The following DCC variants were observed in gnomAD, a reference collection of about 807,000 sequenced individuals.
DCC encodes the protein DCC netrin 1 receptor, also known as netrin receptor DCC.
A neutral mutation model predicts 172.5 loss-of-function variants in DCC; 58 were observed. That is an observed-to-expected ratio of 0.34 (90% CI 0.27 to 0.42). The LOEUF (loss-of-function observed/expected upper bound fraction) is 0.42. Among genes scored for constraint, DCC ranks in the 10% least tolerant of loss-of-function variants. The pLI, the probability that DCC is intolerant of heterozygous loss-of-function variation, is 1.00. For synonymous variants in DCC, 709 were observed against 644.5 expected, an observed-to-expected ratio of 1.10 and a Z score of -1.52; for missense variants, 1,740 against 1,791.0, an observed-to-expected ratio of 0.97 and a Z score of 0.51.
chr18:52,916,209 CTT>C (rs10593227), intron 3 of DCC, among the ~76,000 whole-genome samples: 2,338 of 147,144 alleles, frequency 0.016, 59 homozygotes, highest in Admixed American at 0.062. Context: ...AATTAGCTAC[CTT>C]TTTTTTTTTT....
At chr18:52,440,864 A>G (rs773668524) in intron 1 of DCC, among the ~76,000 whole-genome samples, 1 of 152,208 alleles carries the variant, frequency 6.6e-6, no homozygotes, top group Non-Finnish European at 1.5e-5. Flanking sequence ...GGAAAGCAAA[A>G]GGAGAATCAT....
At chr18:53,198,709 G>T (rs1450053778) in intron 9 of DCC, among the ~76,000 whole-genome samples, 1 of 152,132 alleles carries the variant, frequency 6.6e-6, no homozygotes. Context: ...AATTTGTTCT[G>T]AGATACAGGT....
In DCC at chr18:53,157,418, A is replaced by G; in HGVS notation, c.1324A>G (p.Ser442Gly). 1 of 1,614,158 alleles carries G rather than the reference A, an allele frequency of 6.2e-7. No individual in the cohort carries two copies. The highest frequency in any genetic ancestry group is 8.5e-7 in the Non-Finnish European group (1 of 1,180,012). ...AGATGTGGTCCCTGTCTTGGTTTCCAGCCGATTTGTCCGTCTCAGCTGGCG... is the reference window on the plus strand; with the variant it reads ...AGATGTGGTCCCTGTCTTGGTTTCCGGCCGATTTGTCCGTCTCAGCTGGCG... ...PRDVVPVLVS[S>G]RFVRLSWRPP... is the part of the protein sequence containing the mutation. Residue 442 changes from serine (S) to glycine (G), a missense_variant, in exon 8 of 29, where the codon AGC becomes GGC. By Grantham distance (56) the Ser-to-Gly change is moderately conservative (BLOSUM62 0). Transcript: ENST00000442544.
intron 8 of DCC, among the ~76,000 whole-genome samples, chr18:53,164,342 C>T (rs1037532632): frequency 1.8e-4 from 28 of 152,240 alleles, no homozygotes; most frequent in African/African-American, 6.5e-4. Context: ...AACTCCTGGG[C>T]TCAATGGATC....
At position 52,444,670 on chromosome 18, in the gene DCC, T is replaced by C. The variant is rs533082803; in HGVS notation, c.91+103792T>C. On this transcript the variant is annotated intron_variant, in intron 1 of 28. Transcript: ENST00000442544. ...TTCCTCCTGCTTTGGCCTAGAGTAG[T>C]ATTAAACCACATTCTCCTGTGATCT... Among the ~76,000 whole-genome samples, 3 of 152,332 alleles carry C rather than the reference T, an allele frequency of 2.0e-5. No individual in the cohort carries two copies. In the East Asian group the frequency reaches 5.8e-4, roughly 29 times the overall value.
At chr18:53,075,599 TG>T (rs1420857399) in intron 7 of DCC, among the ~76,000 whole-genome samples, 2 of 151,642 alleles carry the variant, frequency 1.3e-5, no homozygotes, top group African/African-American at 4.8e-5. Flanking sequence ...AGAAGAATGC[TG>T]GTTTTTATAT....
chr18:52,434,820 C>A (rs1339186562), intron 1 of DCC, among the ~76,000 whole-genome samples: 1 of 152,134 alleles, frequency 6.6e-6, no homozygotes, highest in Admixed American at 6.6e-5. Flanking sequence ...CCTCCCCACG[C>A]CCGTCCCTCT....
intron 1 of DCC, among the ~76,000 whole-genome samples, chr18:52,528,115 G>C (rs972226204): frequency 6.6e-6 from 1 of 152,158 alleles, no homozygotes; most frequent in Admixed American, 6.5e-5. Flanking sequence ...AAAATTCTCA[G>C]GTATGAATAC....
At chr18:52,540,456 TC>T (rs1018005784) in intron 1 of DCC, among the ~76,000 whole-genome samples, 1 of 152,090 alleles carries the variant, frequency 6.6e-6, no homozygotes, top group African/African-American at 2.4e-5. Context: ...AAAATTATTG[TC>T]CCTTTTTATT....
At chr18:52,547,475 T>C (rs1228250505) in intron 1 of DCC, among the ~76,000 whole-genome samples, 1 of 152,130 alleles carries the variant, frequency 6.6e-6, no homozygotes, top group East Asian at 1.9e-4. Flanking sequence ...TTGGTAAAGA[T>C]AAATTAGGCA....
At chr18:52,749,345 G>A (rs1040033391) in intron 1 of DCC, among the ~76,000 whole-genome samples, 3 of 152,150 alleles carry the variant, frequency 2.0e-5, no homozygotes, top group African/African-American at 7.2e-5. Flanking sequence ...TGAAGGTTGG[G>A]TTTCACTGGG....
intron 5 of DCC, among the ~76,000 whole-genome samples, chr18:52,931,414 C>T (rs537080362): frequency 8.0e-5 from 11 of 137,022 alleles, no homozygotes; most frequent in African/African-American, 1.3e-4. Flanking sequence ...ACTTTAATCA[C>T]GCATTTTATT....
chr18:53,063,206 T>C, intron 5 of DCC, 99 bp from the exon 6 acceptor site: 1 of 1,070,402 alleles, frequency 9.3e-7, no homozygotes. Flanking sequence ...ATAAATATTT[T>C]CTATCCCAGA....
At chr18:53,157,924 T>C (rs2054769629) in intron 8 of DCC, among the ~76,000 whole-genome samples, 1 of 152,156 alleles carries the variant, frequency 6.6e-6, no homozygotes, top group African/African-American at 2.4e-5. Context: ...TTTTCCTCTT[T>C]AATAAGGAGA....
At chr18:52,422,944 T>TG (rs1987298843) in intron 1 of DCC, among the ~76,000 whole-genome samples, 1 of 152,150 alleles carries the variant, frequency 6.6e-6, no homozygotes, top group Admixed American at 6.5e-5. Flanking sequence ...TGGCAGGACC[T>TG]TCAATTTGCA....
At chr18:52,530,673 A>G (rs558503888) in intron 1 of DCC, among the ~76,000 whole-genome samples, 1 of 152,374 alleles carries the variant, frequency 6.6e-6, no homozygotes, top group East Asian at 1.9e-4. Context: ...GAATGAAATT[A>G]CCAAAAACTG....
intron 5 of DCC, among the ~76,000 whole-genome samples, chr18:52,956,458 C>T (rs1319368704): frequency 6.6e-6 from 1 of 151,976 alleles, no homozygotes; most frequent in African/African-American, 2.4e-5. Context: ...TTACCAATAC[C>T]ATACTGTCTT....
chr18:52,950,251 T>G (rs1200090953), intron 5 of DCC, among the ~76,000 whole-genome samples: 1 of 152,184 alleles, frequency 6.6e-6, no homozygotes, highest in Non-Finnish European at 1.5e-5. Flanking sequence ...TCCTACTCTC[T>G]CTTAATTGAA....
At chr18:52,957,296 T>C (rs1036369253) in intron 5 of DCC, among the ~76,000 whole-genome samples, 7 of 152,034 alleles carry the variant, frequency 4.6e-5, no homozygotes, top group Non-Finnish European at 7.4e-5. Context: ...ATACAACCAA[T>C]ATAGTAGATT....
Sources: allele counts gnomAD v4.1 joint callset (sites outside exome capture counted in the v4.1 genomes callset), GRCh38; gene constraint gnomAD v4.1.1; transcripts MANE v1.5; gene names NCBI Gene and HGNC (gene_info 2026-07-23, HGNC 2026-07-21).